Variants in GUCY1B1 observed in about 807,000 individuals in gnomAD.
GUCY1B1 encodes guanylate cyclase 1 soluble subunit beta 1.
Under a neutral mutation model 71.0 loss-of-function variants are expected in GUCY1B1, and 43 were observed. The ratio of observed to expected loss-of-function variants is 0.61; its 90% CI spans 0.47 to 0.78. The LOEUF (loss-of-function observed/expected upper bound fraction) is 0.78. GUCY1B1 is among the 30% of genes least tolerant of loss of function. The probability of loss-of-function intolerance (pLI) is 0.00; values close to 1 mark genes in which losing one functional copy is unlikely to be tolerated. For synonymous variants in GUCY1B1, 266 were observed against 259.7 expected (o/e 1.02, Z -0.23); for missense variants, 535 against 754.1 (o/e 0.71, Z 3.40).
At chr4:155,793,043 C>G (rs1476983701) in intron 5 of GUCY1B1, among the ~76,000 whole-genome samples, 1 of 152,048 alleles carries the variant, frequency 6.6e-6, no homozygotes, top group Non-Finnish European at 1.5e-5. Context: ...TGAGATGCCT[C>G]TTTTTCAGTA....
At chr4:155,783,403 A>C (rs1163387373) in intron 4 of GUCY1B1, among the ~76,000 whole-genome samples, 3 of 152,236 alleles carry the variant, frequency 2.0e-5, no homozygotes, top group Non-Finnish European at 4.4e-5. Context: ...GGCAAATGCA[A>C]TTTTAGAGAA....
At chr4:155,781,724 A>G (rs184631469) in intron 4 of GUCY1B1, among the ~76,000 whole-genome samples, 1 of 152,112 alleles carries the variant, frequency 6.6e-6, no homozygotes, top group Non-Finnish European at 1.5e-5. Context: ...CTTTGTAGAA[A>G]TACTCCTCTT....
At chr4:155,785,129 A>C (rs1738677372) in intron 4 of GUCY1B1, 1 of 483,780 alleles carries the variant, frequency 2.1e-6, no homozygotes, top group Non-Finnish European at 3.6e-6. Context: ...TGCTTGTAGA[A>C]AAACAATAAA....
At chr4:155,777,774 C>T in intron 4 of GUCY1B1, 132 bp downstream of exon 4, 1 of 543,996 alleles carries the variant, frequency 1.8e-6, no homozygotes, top group Non-Finnish European at 3.3e-6. Flanking sequence ...TCACCTTTTT[C>T]TAATTCACAT....
intron 4 of GUCY1B1, among the ~76,000 whole-genome samples, chr4:155,779,692 A>G (rs1024612280): frequency 1.8e-4 from 28 of 152,198 alleles, no homozygotes; most frequent in African/African-American, 3.6e-4. Flanking sequence ...GTAGATATTT[A>G]TGTTATCATT....
At chr4:155,772,666 C>G (rs1737775634) in intron 2 of GUCY1B1, 2 of 701,618 alleles carry the variant, frequency 2.9e-6, no homozygotes. Flanking sequence ...CGGATCCTCC[C>G]ACCTGGGCTT....
rs373595864 is a variant in GUCY1B1 at position 155,793,984 on chromosome 4, C to T, written c.624C>T (p.Ile208=). Residue 208 remains isoleucine, a synonymous_variant, in exon 6 of 14, where the codon ATC becomes ATT. Transcript: ENST00000264424. The part of the protein sequence containing the change: ...FEENGTQESR[I]SPYTFCKAFP... Reference sequence around the variant, plus strand: ...AAAATGGTACCCAGGAATCACGCATCAGCCCATATACATTCTGCAAAGCTT... The same window carrying T: ...AAAATGGTACCCAGGAATCACGCATTAGCCCATATACATTCTGCAAAGCTT... 3.1e-6 allele frequency: 5 copies of T among 1,610,774 alleles called. No homozygotes were observed. The East Asian group carries it at 1.1e-4, about 36-fold the overall frequency.
intron 8 of GUCY1B1, 27 bp from the exon 9 acceptor site, chr4:155,799,850 A>T: frequency 6.9e-7 from 1 of 1,444,722 alleles, no homozygotes. Flanking sequence ...GTTGAGACTG[A>T]TCTTGCCTCA....
intron 2 of GUCY1B1, among the ~76,000 whole-genome samples, chr4:155,766,818 C>T (rs1258354645): frequency 6.6e-6 from 1 of 152,156 alleles, no homozygotes; most frequent in Non-Finnish European, 1.5e-5. Context: ...TAGACTGTAA[C>T]TCAGTGTTTA....
At position 155,800,036 on chromosome 4, in the gene GUCY1B1, G is replaced by A. The variant is rs1173736544; in HGVS notation, c.1137G>A (p.Thr379=). 5.6e-6 allele frequency: 9 copies of A among 1,613,452 alleles called. No individual in the cohort carries two copies. The highest frequency in any genetic ancestry group is 1.7e-5 in the Admixed American group (1 of 59,980). The change falls in exon 9 of 14, where the codon ACG becomes ACA. Residue 379 remains threonine (T), a synonymous_variant. Coordinates refer to ENST00000264424, the MANE Select transcript of GUCY1B1 (RefSeq NM_000857.5). ...LEILTDRLQL[T]LRALEDEKKK... is the part of the protein sequence containing the mutation. ...TCCTCACTGACAGGCTACAGCTCAC[G>A]TTAAGAGCCCTGGAAGATGAAAAGA...
intron 2 of GUCY1B1, among the ~76,000 whole-genome samples, chr4:155,762,377 T>C (rs1161158739): frequency 1.3e-5 from 2 of 152,244 alleles, no homozygotes; most frequent in African/African-American, 4.8e-5. Flanking sequence ...TTTTTTCTTT[T>C]GGTCTTTGAG....
intron 2 of GUCY1B1, among the ~76,000 whole-genome samples, chr4:155,773,877 G>A (rs978988733): frequency 6.6e-6 from 1 of 152,102 alleles, no homozygotes; most frequent in African/African-American, 2.4e-5. Context: ...TTAGCAGAGA[G>A]ACGGTTTCAC....
chr4:155,775,088 C>T lies in GUCY1B1; in HGVS notation c.178+20C>T. ...TCCTCAGTAAGTTGAATGCAACTTT[C>T]CTTCTTTGGCCAAGTTACACGTAGA... On this transcript the variant is annotated intron_variant, in intron 3 of 13. Transcript: ENST00000264424. 7.9e-7 allele frequency: 1 copy of T among 1,265,492 alleles called. No homozygotes were observed. The highest frequency in any genetic ancestry group is 1.2e-6 in the Non-Finnish European group (1 of 863,726). The allele number at this position is 1,265,492 out of a possible 1,614,324, so 78.4% of individuals were successfully genotyped here. A position where few individuals can be genotyped will look rare whatever the true frequency, so the allele number is the denominator to read the frequency against.
At chr4:155,777,050 A>C (rs1386279944) in intron 3 of GUCY1B1, among the ~76,000 whole-genome samples, 2 of 152,216 alleles carry the variant, frequency 1.3e-5, no homozygotes, top group Non-Finnish European at 2.9e-5. Context: ...CGAAACATAA[A>C]ATTCACTTAT....
At chr4:155,783,524 A>G (rs1738573070) in intron 4 of GUCY1B1, among the ~76,000 whole-genome samples, 1 of 152,188 alleles carries the variant, frequency 6.6e-6, no homozygotes, top group Admixed American at 6.5e-5. Flanking sequence ...TAACCTTGAT[A>G]TGTTGACAGT....
rs561440722 is a variant in GUCY1B1, at chr4:155,798,747, A to G, written c.978-1130A>G. Among the ~76,000 whole-genome samples, 163 of 152,256 alleles carry G rather than the reference A, an allele frequency of 1.1e-3. 1 individual carries two copies. The highest frequency in any genetic ancestry group is 1.9e-3 in the Non-Finnish European group (130 of 68,016). ...ATTTTTTCCTTTTAGAGTAATTATTATTCAGAGTGGCCAGAAGTAATGACT... is the reference window on the plus strand; with the variant it reads ...ATTTTTTCCTTTTAGAGTAATTATTGTTCAGAGTGGCCAGAAGTAATGACT... On this transcript the variant is annotated intron_variant, in intron 8 of 13. Coordinates refer to ENST00000264424, the MANE Select transcript of GUCY1B1 (RefSeq NM_000857.5).
chr4:155,772,711 T>C (rs1737779350), intron 2 of GUCY1B1: 1 of 702,500 alleles, frequency 1.4e-6, no homozygotes, highest in African/African-American at 1.7e-5. Context: ...TGAGCCAACC[T>C]GCCCAGCCAG....
At chr4:155,794,970 A>G (rs936380232) in intron 6 of GUCY1B1, among the ~76,000 whole-genome samples, 2 of 152,150 alleles carry the variant, frequency 1.3e-5, no homozygotes, top group Non-Finnish European at 2.9e-5. Context: ...GGGTTTGCTC[A>G]TGTTTTTGGT....
chr4:155,759,769 C>T lies in GUCY1B1; in HGVS notation c.4-18C>T, dbSNP rs375192926. 5.0e-6 allele frequency: 8 copies of T among 1,600,764 alleles called. No homozygotes were observed. The African/African-American group carries it at 5.4e-5, about 11-fold the overall frequency. On this transcript the variant is annotated intron_variant, in intron 1 of 13. Coordinates refer to ENST00000264424, the MANE Select transcript of GUCY1B1 (RefSeq NM_000857.5). ...TACAGCGGGTCCCTGACGCTCAAGTCTCTCCCTGTCCCCGCAGTACGGATT... is the reference window on the plus strand; with the variant it reads ...TACAGCGGGTCCCTGACGCTCAAGTTTCTCCCTGTCCCCGCAGTACGGATT...
Sources: gnomAD v4.1 joint callset for allele counts (sites outside exome capture counted in the v4.1 genomes callset) on GRCh38, gnomAD v4.1.1 for gene constraint, MANE v1.5 for transcripts, NCBI Gene and HGNC (gene_info 2026-07-23, HGNC 2026-07-21) for gene names.